Variants in ZNF536 observed in about 807,000 individuals in gnomAD.
ZNF536 encodes the protein zinc finger protein 536.
In ZNF536, 13 loss-of-function variants were observed where a neutral mutation model predicts 84.5. That is an observed-to-expected ratio of 0.15 (90% confidence interval 0.10 to 0.24). ZNF536 has a LOEUF of 0.24. Among genes scored for constraint, ZNF536 ranks in the 10% least tolerant of loss-of-function variants. The pLI, the probability that ZNF536 is intolerant of heterozygous loss-of-function variation, is 1.00. For missense variants in ZNF536, 1,536 were observed against 1,747.5 expected, an observed-to-expected ratio of 0.88 and a Z score of 2.16; for synonymous variants, 811 against 742.5, an observed-to-expected ratio of 1.09 and a Z score of -1.50.
At chr19:30,643,344 C>T (rs1347466264) in intron 1 of ZNF536, among the ~76,000 whole-genome samples, 2 of 152,208 alleles carry the variant, frequency 1.3e-5, no homozygotes, top group African/African-American at 4.8e-5. Flanking sequence ...CTAAGACCCA[C>T]ACTCGACTTG....
Position 30,249,008 on chromosome 19 carries a change from C to T in ZNF536, c.-190+20335C>T, listed in dbSNP as rs1009741848. On this transcript the variant is annotated intron_variant, in intron 1 of 5. Transcript: ENST00000585628. Reference sequence around the variant, plus strand: ...GATCCTTGGTTGTGCATAATTAATGCGTCGTTCAGCATTTGACTTTTGTGC... The same window carrying T: ...GATCCTTGGTTGTGCATAATTAATGTGTCGTTCAGCATTTGACTTTTGTGC... 2.6e-5 allele frequency among the ~76,000 whole-genome samples: 4 copies of T among 152,176 alleles called. No homozygotes were observed. In the East Asian group the frequency reaches 5.8e-4, roughly 22 times the overall value.
intron 1 of ZNF536, among the ~76,000 whole-genome samples, chr19:30,582,580 G>A (rs1310361297): frequency 2.6e-5 from 4 of 151,512 alleles, no homozygotes; most frequent in Non-Finnish European, 4.4e-5. Flanking sequence ...TTATAGAGAC[G>A]ATGTATTAGT....
At position 30,549,474 on chromosome 19, in the gene ZNF536, C is replaced by A. The variant is rs2146258564; in HGVS notation, c.3855C>A (p.Ser1285Arg). The change falls in exon 4 of 5, where the codon AGC (serine) becomes AGA (arginine). Residue 1285 changes from serine (S) to arginine (R), a missense_variant. By Grantham distance (110) the Ser-to-Arg change is moderately radical. Around this residue, in one of 8 missense-constraint regions of ZNF536, gnomAD observed 624 missense variants for 603.1 expected, o/e 1.03. Coordinates refer to ENST00000355537, the MANE Select transcript of ZNF536 (RefSeq NM_014717.3). Reference sequence around the variant, plus strand: ...CAGCCTTTAACGGACTTGCAAGTAGCACAGCAAATTCTGGATGTATCAAGA... The same window carrying A: ...CAGCCTTTAACGGACTTGCAAGTAGAACAGCAAATTCTGGATGTATCAAGA... Reference protein sequence around the residue: ...GLAAFNGLASSTANSGCIKRP... With the variant: ...GLAAFNGLASRTANSGCIKRP... The A allele has an allele frequency of 6.6e-7, 1 of 1,518,820 alleles. No individual in the cohort carries two copies. The highest frequency in any genetic ancestry group is 2.2e-5 in the Admixed American group (1 of 44,630). The allele number at this position is 1,518,820 out of a possible 1,614,324, so 94.1% of individuals were successfully genotyped here.
chr19:30,465,890 A>G (rs952032989), intron 2 of ZNF536, among the ~76,000 whole-genome samples: 3 of 152,110 alleles, frequency 2.0e-5, no homozygotes, highest in African/African-American at 4.8e-5. Context: ...AGCTGGGACT[A>G]CAGGCACCCG....
intron 1 of ZNF536, among the ~76,000 whole-genome samples, chr19:30,699,608 AT>A (rs1441823196): frequency 1.3e-5 from 2 of 152,074 alleles, no homozygotes; most frequent in Non-Finnish European, 2.9e-5. Flanking sequence ...GAATTAGGAA[AT>A]TTTTTTAAAC....
At chr19:30,640,043 G>T (rs2147325666) in intron 1 of ZNF536, among the ~76,000 whole-genome samples, 1 of 152,302 alleles carries the variant, frequency 6.6e-6, no homozygotes, top group South Asian at 2.1e-4. Context: ...TCAGGAGTTT[G>T]AGACCAGCCT....
intron 3 of ZNF536, among the ~76,000 whole-genome samples, chr19:30,545,466 C>T (rs1236535802): frequency 5.1e-5 from 7 of 138,126 alleles, no homozygotes; most frequent in Admixed American, 1.6e-4. Context: ...GGCGCCATCT[C>T]GGCTCACTGC....
At chr19:30,295,229 A>G (rs1470521807) in intron 2 of ZNF536, among the ~76,000 whole-genome samples, 1 of 152,044 alleles carries the variant, frequency 6.6e-6, no homozygotes, top group Non-Finnish European at 1.5e-5. Context: ...AAACTTGGCT[A>G]TCAATTATAA....
chr19:30,474,303 T>A (rs570349569), intron 2 of ZNF536, among the ~76,000 whole-genome samples: 1 of 151,810 alleles, frequency 6.6e-6, no homozygotes, highest in Non-Finnish European at 1.5e-5. Flanking sequence ...TAGAGGCTCA[T>A]AAACCCTCTT....
At chr19:30,519,232 C>T (rs975337163) in intron 2 of ZNF536, among the ~76,000 whole-genome samples, 2 of 152,246 alleles carry the variant, frequency 1.3e-5, no homozygotes, top group Non-Finnish European at 2.9e-5. Flanking sequence ...TGGGGTGGGG[C>T]TCCCAAGAGC....
At chr19:30,692,247 A>T (rs1440038755) in intron 1 of ZNF536, among the ~76,000 whole-genome samples, 1 of 152,222 alleles carries the variant, frequency 6.6e-6, no homozygotes, top group Non-Finnish European at 1.5e-5. Context: ...GCCTGCACCG[A>T]GGGCTGGGAA....
intron 1 of ZNF536, among the ~76,000 whole-genome samples, chr19:30,422,029 G>A (rs1189590956): frequency 1.3e-5 from 2 of 152,038 alleles, no homozygotes; most frequent in African/African-American, 4.8e-5. Flanking sequence ...ATTAGCAGGG[G>A]TACAAAAACA....
Position 30,281,382 on chromosome 19 carries a change from G to C in ZNF536, c.-189-2690G>C, listed in dbSNP as rs371314999. 6.9e-4 allele frequency among the ~76,000 whole-genome samples: 105 copies of C among 152,280 alleles called. 2 individuals are homozygous for C. In the South Asian group the frequency reaches 0.022, roughly 31 times the overall value. On this transcript the variant is annotated intron_variant, in intron 1 of 5. Coordinates refer to the ZNF536 transcript ENST00000585628. ...CTGTTGCACTTCTGTGCCCCTTCCTGGCCTCCAGCCCTGTCTCCACCAGGG... is the reference window on the plus strand; with the variant it reads ...CTGTTGCACTTCTGTGCCCCTTCCTCGCCTCCAGCCCTGTCTCCACCAGGG...
intron 2 of ZNF536, among the ~76,000 whole-genome samples, chr19:30,448,453 G>A (rs33429): frequency 0.73 from 110,883 of 152,180 alleles, 41,170 homozygotes; most frequent in African/African-American, 0.86. Context: ...GAGAGAGAGA[G>A]AAAAAATCTT....
intron 1 of ZNF536, among the ~76,000 whole-genome samples, chr19:30,612,757 A>G (rs2048145608): frequency 6.6e-6 from 1 of 152,196 alleles, no homozygotes; most frequent in Admixed American, 6.5e-5. Flanking sequence ...CTAAATGCTA[A>G]CGTCTTACCT....
At chr19:30,575,279 C>T (rs990971518) in intron 1 of ZNF536, among the ~76,000 whole-genome samples, 2 of 152,154 alleles carry the variant, frequency 1.3e-5, no homozygotes, top group Non-Finnish European at 2.9e-5. Context: ...TGCTATGCCC[C>T]GCCGGGCACT....
intron 1 of ZNF536, among the ~76,000 whole-genome samples, chr19:30,263,426 C>A (rs570973592): frequency 1.3e-5 from 2 of 152,070 alleles, no homozygotes; most frequent in African/African-American, 2.4e-5. Flanking sequence ...CAGGGACCAT[C>A]CCCCCGACCA....
chr19:30,267,046 G>A lies in ZNF536; in HGVS notation c.-189-17026G>A, dbSNP rs577223514. Among the ~76,000 whole-genome samples, 3 of 152,326 alleles carry A rather than the reference G, an allele frequency of 2.0e-5. No individual in the cohort carries two copies. The South Asian group carries it at 6.2e-4, about 32-fold the overall frequency. Reference sequence around the variant, plus strand: ...TTTGTTACGAAGCTGAGTGCAGATGGCAGAGTGGAAGAAATGGATCACTAA... The same window carrying A: ...TTTGTTACGAAGCTGAGTGCAGATGACAGAGTGGAAGAAATGGATCACTAA... On this transcript the variant is annotated intron_variant, in intron 1 of 5. Transcript: ENST00000585628.
At chr19:30,634,112 A>T (rs184330802) in intron 1 of ZNF536, among the ~76,000 whole-genome samples, 30 of 151,928 alleles carry the variant, frequency 2.0e-4, no homozygotes, top group African/African-American at 6.5e-4. Flanking sequence ...CTAGCTGGGC[A>T]GACCATCCCT....
Sources: gnomAD v4.1 joint callset for allele counts (sites outside exome capture counted in the v4.1 genomes callset) on GRCh38, gnomAD v4.1.1 for gene constraint, gnomAD v4.1.1 regional missense constraint, MANE v1.5 for transcripts, NCBI Gene and HGNC (gene_info 2026-07-23, HGNC 2026-07-21) for gene names.